Variants in PITPNC1 observed in about 807,000 individuals in gnomAD.
PITPNC1 encodes cytoplasmic phosphatidylinositol transfer protein 1.
In PITPNC1, 18 loss-of-function variants were observed where a neutral mutation model predicts 44.7. The observed-to-expected ratio is 0.40, with a 90% CI of 0.28 to 0.60. The LOEUF (loss-of-function observed/expected upper bound fraction) is 0.60, where lower values mean the gene tolerates loss of function less well. Ranked by LOEUF, PITPNC1 falls within the 20% of genes least tolerant of loss-of-function variation. The probability of loss-of-function intolerance (pLI) is 0.39; values close to 1 mark genes in which losing one functional copy is unlikely to be tolerated. For missense variants in PITPNC1, 290 were observed against 418.4 expected, an observed-to-expected ratio of 0.69 and a Z score of 2.68; for synonymous variants, 141 against 149.6, an observed-to-expected ratio of 0.94 and a Z score of 0.42.
At chr17:67,631,645 A>ATATATATATAT (rs1488483852) in intron 5 of PITPNC1, among the ~76,000 whole-genome samples, 4 of 8,002 alleles carry the variant, frequency 5.0e-4, no homozygotes, top group Non-Finnish European at 6.4e-4. Flanking sequence ...CAAAAAAAAA[A>ATATATATATAT]AAAAAAAAAA....
chr17:67,685,076 G>A lies in PITPNC1; in HGVS notation c.683-7496G>A, dbSNP rs559384612. Among the ~76,000 whole-genome samples the A allele has an allele frequency of 6.5e-4, 99 of 152,330 alleles. No homozygotes were observed. In the South Asian group the frequency reaches 0.012, roughly 18 times the overall value. ...TTTCAACTCCTAGCTAAAAGTGATC[G>A]TCTAGTATTATTTCAGATATATTTG... On this transcript the variant is annotated intron_variant, in intron 8 of 8. Transcript: ENST00000581322.
intron 1 of PITPNC1, among the ~76,000 whole-genome samples, chr17:67,494,781 G>C (rs904855093): frequency 6.6e-6 from 1 of 152,028 alleles, no homozygotes; most frequent in African/African-American, 2.4e-5. Flanking sequence ...AGACCAGCCT[G>C]GGCAACATGG....
At chr17:67,515,267 G>A (rs1468112598) in intron 1 of PITPNC1, among the ~76,000 whole-genome samples, 4 of 152,186 alleles carry the variant, frequency 2.6e-5, no homozygotes, top group Admixed American at 6.5e-5. Context: ...TTCTGGAAAC[G>A]TCTTCCTCTG....
At chr17:67,520,396 A>G (rs2040310027) in intron 1 of PITPNC1, among the ~76,000 whole-genome samples, 1 of 152,232 alleles carries the variant, frequency 6.6e-6, no homozygotes, top group African/African-American at 2.4e-5. Context: ...AGTAAACACA[A>G]GAGCCTTGAT....
Position 67,591,585 on chromosome 17 carries a change from C to T in PITPNC1, c.366+13328C>T, listed in dbSNP as rs965078615. 9.2e-5 allele frequency among the ~76,000 whole-genome samples: 14 copies of T among 152,230 alleles called. No individual in the cohort carries two copies. In the East Asian group the frequency reaches 1.2e-3, roughly 13 times the overall value. On this transcript the variant is annotated intron_variant, in intron 5 of 8. Coordinates refer to ENST00000581322, the MANE Select transcript of PITPNC1 (RefSeq NM_012417.4). Reference sequence around the variant, plus strand: ...ACAAAGCAAAAGAAGCAAATGTTAACGGCTGGAGAATCTGGGTAAAGGGTG... The same window carrying T: ...ACAAAGCAAAAGAAGCAAATGTTAATGGCTGGAGAATCTGGGTAAAGGGTG...
At chr17:67,582,872 A>G (rs899103682) in intron 5 of PITPNC1, among the ~76,000 whole-genome samples, 3 of 152,216 alleles carry the variant, frequency 2.0e-5, no homozygotes, top group Non-Finnish European at 2.9e-5. Context: ...TGCCTGGTTC[A>G]GCTGAATGAG....
At position 67,378,172 on chromosome 17, in the gene PITPNC1, C is replaced by T. The variant is rs749121105; in HGVS notation, c.18C>T (p.Tyr6=). Residue 6 remains tyrosine (Y), a synonymous_variant, in exon 1 of 9, where the codon TAC becomes TAT. Transcript: ENST00000581322. ...GCAGGACCATGCTGCTGAAAGAGTACCGGATCTGCATGCCGCTCACCGTAG... is the reference window on the plus strand; with the variant it reads ...GCAGGACCATGCTGCTGAAAGAGTATCGGATCTGCATGCCGCTCACCGTAG... MLLKE[Y]RICMPLTVDE... is the part of the protein sequence containing the mutation. The T allele has an allele frequency of 6.5e-7, 1 of 1,549,018 alleles. No homozygotes were observed. The highest frequency in any genetic ancestry group is 1.2e-5 in the South Asian group (1 of 84,288).
chr17:67,394,422 A>G (rs913059613), intron 1 of PITPNC1, among the ~76,000 whole-genome samples: 8 of 152,160 alleles, frequency 5.3e-5, no homozygotes, highest in Non-Finnish European at 1.0e-4. Context: ...TGCTTCTCAG[A>G]TTGGATTGAA....
At chr17:67,520,400 C>G (rs182390083) in intron 1 of PITPNC1, among the ~76,000 whole-genome samples, 2 of 152,236 alleles carry the variant, frequency 1.3e-5, no homozygotes, top group East Asian at 1.9e-4. Context: ...AACACAAGAG[C>G]CTTGATTGCT....
intron 8 of PITPNC1, chr17:67,687,203 A>C (rs758084943): frequency 1.7e-5 from 22 of 1,299,664 alleles, no homozygotes; most frequent in Non-Finnish European, 2.3e-5. Context: ...AATTTTTAAA[A>C]CATGTTGCCC....
In PITPNC1 at chr17:67,377,789, T is replaced by A. The variant is rs72841747; in HGVS notation, c.-366T>A. ...TTTAATTTTTGGAAATCTCTCTTTT[T>A]TCCTCCCTCGCTCGCTGCCGGGCAT... On this transcript the variant is annotated 5_prime_UTR_variant, in exon 1 of 9. Transcript: ENST00000581322. The A allele has an allele frequency of 0.013, 2,991 of 239,234 alleles. 24 individuals carry two copies. The highest frequency in any genetic ancestry group is 0.018 in the Non-Finnish European group (2,274 of 124,498). The allele number at this position is 239,234 out of a possible 1,614,324, so 14.8% of individuals were successfully genotyped here. A position where few individuals can be genotyped will look rare whatever the true frequency, so the allele number is the denominator to read the frequency against.
At chr17:67,487,412 C>T (rs1263694601) in intron 1 of PITPNC1, among the ~76,000 whole-genome samples, 1 of 152,064 alleles carries the variant, frequency 6.6e-6, no homozygotes, top group Non-Finnish European at 1.5e-5. Flanking sequence ...TGGCCTCAAA[C>T]GATCCACCCA....
chr17:67,602,721 C>T (rs1261100647), intron 5 of PITPNC1, among the ~76,000 whole-genome samples: 1 of 151,982 alleles, frequency 6.6e-6, no homozygotes, highest in Non-Finnish European at 1.5e-5. Flanking sequence ...CTACAAGTGA[C>T]CACTAACCTT....
intron 4 of PITPNC1, among the ~76,000 whole-genome samples, chr17:67,568,434 G>A (rs1370235792): frequency 6.6e-6 from 1 of 152,210 alleles, no homozygotes; most frequent in East Asian, 1.9e-4. Flanking sequence ...CCTAATGGTT[G>A]TATAACTCTG....
At chr17:67,435,877 A>G (rs772686426) in intron 1 of PITPNC1, among the ~76,000 whole-genome samples, 25 of 152,134 alleles carry the variant, frequency 1.6e-4, no homozygotes, top group Non-Finnish European at 2.9e-4. Context: ...CGCCAAGAAG[A>G]ACAATTTCAG....
intron 1 of PITPNC1, among the ~76,000 whole-genome samples, chr17:67,384,028 ACT>A (rs1404751214): frequency 1.3e-5 from 2 of 151,950 alleles, no homozygotes; most frequent in Non-Finnish European, 2.9e-5. Context: ...CAAGAGCAAA[ACT>A]CTGTCTCAAA....
chr17:67,479,786 T>C (rs141547272), intron 1 of PITPNC1, among the ~76,000 whole-genome samples: 1 of 152,312 alleles, frequency 6.6e-6, no homozygotes, highest in Non-Finnish European at 1.5e-5. Context: ...ATGTTCTTTG[T>C]GATATTTGTC....
chr17:67,654,884 C>T (rs532317557), intron 6 of PITPNC1, among the ~76,000 whole-genome samples: 2 of 152,294 alleles, frequency 1.3e-5, no homozygotes, highest in Admixed American at 1.3e-4. Context: ...CTGCCCGCCT[C>T]ATCCTCCCAA....
At chr17:67,608,684 T>G (rs888279304) in intron 5 of PITPNC1, among the ~76,000 whole-genome samples, 3 of 147,806 alleles carry the variant, frequency 2.0e-5, no homozygotes, top group African/African-American at 7.6e-5. Context: ...TTTTTTTTTT[T>G]GTAGAAATGA....
Sources: gnomAD v4.1 joint callset for allele counts (sites outside exome capture counted in the v4.1 genomes callset) on GRCh38, gnomAD v4.1.1 for gene constraint, MANE v1.5 for transcripts, NCBI Gene and HGNC (gene_info 2026-07-23, HGNC 2026-07-21) for gene names.